Variants in STK39 observed in about 807,000 individuals in gnomAD.
STK39 encodes serine/threonine kinase 39.
A neutral mutation model predicts 77.8 loss-of-function variants in STK39; 20 were observed. The observed-to-expected ratio is 0.26, with a 90% CI of 0.18 to 0.37. STK39 has a LOEUF of 0.37. STK39 is among the 10% of genes least tolerant of loss of function. The probability of loss-of-function intolerance (pLI) is 1.00; values close to 1 mark genes in which losing one functional copy is unlikely to be tolerated. For synonymous variants in STK39, 246 were observed against 234.1 expected (o/e 1.05, Z -0.47); for missense variants, 479 against 656.5 (o/e 0.73, Z 2.95).
At chr2:168,125,560 AT>A (rs1447658897) in intron 10 of STK39, among the ~76,000 whole-genome samples, 1 of 152,162 alleles carries the variant, frequency 6.6e-6, no homozygotes, top group Non-Finnish European at 1.5e-5. Context: ...CCAATCTTAT[AT>A]TACCCTTCAC....
chr2:168,237,085 AT>A (rs1214002452), intron 1 of STK39, among the ~76,000 whole-genome samples: 2 of 152,130 alleles, frequency 1.3e-5, no homozygotes, highest in African/African-American at 4.8e-5. Context: ...TGAGCATGGA[AT>A]GTTCTTCCAT....
At chr2:168,176,684 G>A (rs1688963587) in intron 2 of STK39, among the ~76,000 whole-genome samples, 1 of 152,072 alleles carries the variant, frequency 6.6e-6, no homozygotes, top group Non-Finnish European at 1.5e-5. Flanking sequence ...AATCCCTAGA[G>A]AAAGATGATA....
At chr2:168,088,131 G>C (rs1462709367) in intron 10 of STK39, among the ~76,000 whole-genome samples, 1 of 152,144 alleles carries the variant, frequency 6.6e-6, no homozygotes, top group African/African-American at 2.4e-5. Context: ...AGACTCACAA[G>C]ATGTAATATA....
At chr2:168,130,352 T>C (rs1687648627) in intron 8 of STK39, among the ~76,000 whole-genome samples, 2 of 152,242 alleles carry the variant, frequency 1.3e-5, no homozygotes. Context: ...CATGGTGTCA[T>C]TCAACTTGCT....
chr2:168,188,047 C>T (rs1219149824), intron 1 of STK39, among the ~76,000 whole-genome samples: 1 of 152,198 alleles, frequency 6.6e-6, no homozygotes, highest in Non-Finnish European at 1.5e-5. Flanking sequence ...CTGTCCTTTG[C>T]CAGTGAACAG....
At chr2:167,957,789 A>G (rs13000880) in intron 17 of STK39, among the ~76,000 whole-genome samples, 53,912 of 152,182 alleles carry the variant, frequency 0.35, 10,502 homozygotes, top group Non-Finnish European at 0.44. Flanking sequence ...ACTAGAAATG[A>G]GAATATTAAA....
intron 1 of STK39, among the ~76,000 whole-genome samples, chr2:168,242,831 TGCAGTGAG>T (rs1230666346): frequency 6.7e-6 from 1 of 150,204 alleles, no homozygotes; most frequent in African/African-American, 2.4e-5. Flanking sequence ...AGTTCGAGGC[TGCAGTGAG>T]GTATGATTGC....
At chr2:167,976,948 T>G (rs1014483912) in intron 16 of STK39, among the ~76,000 whole-genome samples, 8 of 152,200 alleles carry the variant, frequency 5.3e-5, no homozygotes, top group Admixed American at 1.3e-4. Context: ...ATGGTTACAA[T>G]TCTAGGAATG....
intron 10 of STK39, among the ~76,000 whole-genome samples, chr2:168,103,776 CA>C (rs1225629520): frequency 6.6e-6 from 1 of 152,214 alleles, no homozygotes; most frequent in African/African-American, 2.4e-5. Context: ...AAAGGCTCAA[CA>C]TTTCTGTAAA....
chr2:168,247,185 G>C lies in STK39; in HGVS notation c.208+43C>G, dbSNP rs1403477797. The stretch of plus-strand genomic sequence containing the variant: ...CCCGCGCCCCCTCCCGCCCGGCCTC[G>C]GCGCCCGGCCTGTGCCGGCCCCGCC... On this transcript the variant is annotated intron_variant, in intron 1 of 17. Coordinates refer to ENST00000355999, the MANE Select transcript of STK39 (RefSeq NM_013233.3). 3.6e-5 allele frequency: 41 copies of C among 1,130,204 alleles called. No homozygotes were observed. In the Admixed American group the frequency reaches 4.6e-4, roughly 13 times the overall value. 70.0% of individuals were successfully genotyped at this position (1,130,204 alleles called of 1,614,324 possible). A position where few individuals can be genotyped will look rare whatever the true frequency, so the allele number is the denominator to read the frequency against.
At chr2:168,098,395 G>T (rs1686730614) in intron 10 of STK39, among the ~76,000 whole-genome samples, 1 of 152,134 alleles carries the variant, frequency 6.6e-6, no homozygotes. Flanking sequence ...TTTACCATAT[G>T]CTACCCTGGC....
chr2:168,093,530 C>A (rs1686582025), intron 10 of STK39, among the ~76,000 whole-genome samples: 1 of 152,196 alleles, frequency 6.6e-6, no homozygotes, highest in Non-Finnish European at 1.5e-5. Context: ...AACGGGTCCC[C>A]ATGGATTATG....
At chr2:167,996,029 G>A (rs1332898453) in intron 16 of STK39, among the ~76,000 whole-genome samples, 2 of 151,876 alleles carry the variant, frequency 1.3e-5, no homozygotes, top group Admixed American at 6.6e-5. Flanking sequence ...CTTGCACTGG[G>A]CCCTGCAAAT....
intron 1 of STK39, among the ~76,000 whole-genome samples, chr2:168,218,627 G>A (rs780687901): frequency 6.6e-5 from 10 of 152,264 alleles, no homozygotes; most frequent in East Asian, 1.9e-4. Context: ...AGACAAAATC[G>A]AAACAGTGTC....
chr2:168,242,596 T>TATATATATATATAA (rs1690796732), intron 1 of STK39, among the ~76,000 whole-genome samples: 3 of 95,856 alleles, frequency 3.1e-5, no homozygotes, highest in Admixed American at 1.2e-4. Flanking sequence ...TATATATATA[T>TATATATATATATAA]AAAGAGGCCA....
chr2:168,004,458 C>T lies in STK39; in HGVS notation c.1498+8176G>A, dbSNP rs540245026. 5.3e-5 allele frequency among the ~76,000 whole-genome samples: 8 copies of T among 152,114 alleles called. No individual in the cohort carries two copies. In the South Asian group the frequency reaches 1.7e-3, roughly 32 times the overall value. ...TAAAATAAAGTGACTATGGGCTGGG[C>T]GCGTTGGCTCACACCTGTAATCCCA... On this transcript the variant is annotated intron_variant, in intron 16 of 17. Coordinates refer to ENST00000355999, the MANE Select transcript of STK39 (RefSeq NM_013233.3).
chr2:168,156,318 G>A (rs953519218), intron 5 of STK39, among the ~76,000 whole-genome samples: 7 of 152,126 alleles, frequency 4.6e-5, no homozygotes, highest in African/African-American at 1.7e-4. Context: ...AAAACAGGCA[G>A]GTCCCTCATC....
At chr2:168,233,309 T>C (rs925150717) in intron 1 of STK39, among the ~76,000 whole-genome samples, 10 of 152,108 alleles carry the variant, frequency 6.6e-5, no homozygotes, top group African/African-American at 2.4e-4. Flanking sequence ...CAAGGAAAAA[T>C]TTTAAAGGGA....
At chr2:168,080,562 G>C (rs545254906) in intron 10 of STK39, among the ~76,000 whole-genome samples, 1 of 151,990 alleles carries the variant, frequency 6.6e-6, no homozygotes, top group African/African-American at 2.4e-5. Flanking sequence ...CCTGGGAGGC[G>C]GAGTTTGCAG....
Sources: allele counts gnomAD v4.1 joint callset (sites outside exome capture counted in the v4.1 genomes callset), GRCh38; gene constraint gnomAD v4.1.1; transcripts MANE v1.5; gene names NCBI Gene and HGNC (gene_info 2026-07-23, HGNC 2026-07-21).